Variants in FMO1 observed in about 807,000 individuals in gnomAD.
The protein encoded by FMO1 is flavin containing dimethylaniline monoxygenase 1.
Under a neutral mutation model 45.4 loss-of-function variants are expected in FMO1, and 36 were observed. That is an observed-to-expected ratio of 0.79 (90% CI 0.61 to 1.05). The LOEUF (loss-of-function observed/expected upper bound fraction) is 1.05, where lower values mean the gene tolerates loss of function less well. Among genes scored for constraint, FMO1 ranks in the 50% least tolerant of loss-of-function variants. The pLI is 0.00. For synonymous variants in FMO1, 228 were observed against 227.2 expected (o/e 1.00, Z -0.03); for missense variants, 615 against 640.3 (o/e 0.96, Z 0.43).
At chr1:171,272,905 G>A (rs1260460387) in intron 3 of FMO1, among the ~76,000 whole-genome samples, 1 of 152,168 alleles carries the variant, frequency 6.6e-6, no homozygotes, top group East Asian at 1.9e-4. Context: ...ACCTTGGGGG[G>A]GAACTGTTGG....
intron 3 of FMO1, chr1:171,270,797 C>T (rs550356067): frequency 2.5e-5 from 19 of 767,756 alleles, no homozygotes; most frequent in African/African-American, 5.4e-5. Flanking sequence ...AAGACACATT[C>T]GGTAGTGTGT....
intron 1 of FMO1, among the ~76,000 whole-genome samples, chr1:171,250,738 A>G (rs1341129731): frequency 6.6e-6 from 1 of 152,014 alleles, no homozygotes; most frequent in Non-Finnish European, 1.5e-5. Context: ...CTCAATTTTC[A>G]CCCATTGGCA....
At position 171,263,694 on chromosome 1, in the gene FMO1, C is replaced by A. The variant is rs539305481; in HGVS notation, c.133-3849C>A. Among the ~76,000 whole-genome samples the A allele has an allele frequency of 3.2e-4, 48 of 152,302 alleles. 2 individuals carry two copies. In the South Asian group the frequency reaches 1.0e-2, roughly 32 times the overall value. ...TGAAAACAAAAATCTTCTCCTAAGT[C>A]GCCCCATCCATTTTTAGAGGGCACG... On this transcript the variant is annotated intron_variant, in intron 2 of 8. Coordinates refer to ENST00000617670, the MANE Select transcript of FMO1 (RefSeq NM_001282693.2).
In FMO1 at chr1:171,266,655, C is replaced by T. The variant is rs61815431; in HGVS notation, c.133-888C>T. On this transcript the variant is annotated intron_variant, in intron 2 of 8. Transcript: ENST00000617670. ...ATCCTTTGCAGAAACAGAGAAAGCC[C>T]TCTCCATATGTGAGATTTATGTTCA... 3.8e-3 allele frequency among the ~76,000 whole-genome samples: 572 copies of T among 152,238 alleles called. 1 individual carries two copies. Among genetic ancestry groups the T allele is most frequent in the Non-Finnish European group, 5.9e-3 (400 of 68,028 alleles).
At chr1:171,263,912 A>G (rs1660489842) in intron 2 of FMO1, among the ~76,000 whole-genome samples, 2 of 152,140 alleles carry the variant, frequency 1.3e-5, no homozygotes, top group African/African-American at 2.4e-5. Flanking sequence ...ACCATTCAGA[A>G]GGGGCAGGGA....
chr1:171,259,825 G>A (rs1461306144), intron 2 of FMO1, among the ~76,000 whole-genome samples: 1 of 152,186 alleles, frequency 6.6e-6, no homozygotes, highest in East Asian at 1.9e-4. Flanking sequence ...GATGCAGGTA[G>A]GTCAAACACC....
At chr1:171,272,103 A>G (rs1365226208) in intron 3 of FMO1, among the ~76,000 whole-genome samples, 2 of 152,226 alleles carry the variant, frequency 1.3e-5, no homozygotes, top group East Asian at 3.8e-4. Context: ...CAGCCAAGGG[A>G]CTTGGTGCCC....
intron 3 of FMO1, among the ~76,000 whole-genome samples, chr1:171,274,209 T>G (rs941714590): frequency 1.3e-5 from 2 of 151,396 alleles, no homozygotes; most frequent in African/African-American, 4.8e-5. Flanking sequence ...CTGTAGTTGA[T>G]TTTGTTTGGT....
intron 3 of FMO1, among the ~76,000 whole-genome samples, chr1:171,273,568 C>T (rs1280438927): frequency 6.6e-6 from 1 of 152,150 alleles, no homozygotes; most frequent in African/African-American, 2.4e-5. Flanking sequence ...AGTACAGTGG[C>T]AGGATCTTAT....
intron 3 of FMO1, chr1:171,271,370 C>A (rs185128653): frequency 4.9e-6 from 6 of 1,228,344 alleles, no homozygotes; most frequent in Non-Finnish European, 7.2e-6. Flanking sequence ...GTTTTCACTT[C>A]TCTTTCATAA....
rs186333190 is a variant in FMO1, at chr1:171,253,599, T to C, written c.-6-4483T>C. 6.4e-4 allele frequency among the ~76,000 whole-genome samples: 98 copies of C among 152,092 alleles called. 1 individual carries two copies. The highest frequency in any genetic ancestry group is 9.3e-4 in the Non-Finnish European group (63 of 67,980). On this transcript the variant is annotated intron_variant, in intron 1 of 8. Coordinates refer to ENST00000617670, the MANE Select transcript of FMO1 (RefSeq NM_001282693.2). Reference sequence around the variant, plus strand: ...CGACATGGAGAAACCCCATCTCTACTAAAAATACAAAAGTAGCCAGACGTG... The same window carrying C: ...CGACATGGAGAAACCCCATCTCTACCAAAAATACAAAAGTAGCCAGACGTG...
chr1:171,256,985 C>T (rs572748461), intron 1 of FMO1, among the ~76,000 whole-genome samples: 30 of 152,244 alleles, frequency 2.0e-4, no homozygotes, highest in African/African-American at 7.0e-4. Flanking sequence ...AACAGAGGCT[C>T]ATTGATGTGA....
At chr1:171,258,790 A>G (rs1255628609) in intron 2 of FMO1, among the ~76,000 whole-genome samples, 1 of 152,190 alleles carries the variant, frequency 6.6e-6, no homozygotes, top group African/African-American at 2.4e-5. Context: ...CCTGAGCAGA[A>G]GAAAAGTAAT....
At chr1:171,270,957 A>C in intron 3 of FMO1, 20 of 786,724 alleles carry the variant, frequency 2.5e-5, no homozygotes, top group African/African-American at 3.4e-5. Flanking sequence ...CAACTTATTC[A>C]TCATCTTCTT....
intron 5 of FMO1, 61 bp from the exon 6 acceptor site, chr1:171,280,725 G>T: frequency 6.9e-7 from 1 of 1,444,464 alleles, no homozygotes; most frequent in South Asian, 1.2e-5. Context: ...TTGAATCTCT[G>T]GCAGAACCAG....
intron 8 of FMO1, 138 bp from the exon 9 acceptor site, chr1:171,285,064 G>A (rs1661562241): frequency 1.8e-6 from 1 of 564,480 alleles, no homozygotes; most frequent in Non-Finnish European, 3.1e-6. Context: ...CCGTTAGATA[G>A]GTAGGGAAAT....
At chr1:171,263,086 C>A (rs1234724854) in intron 2 of FMO1, among the ~76,000 whole-genome samples, 1 of 152,164 alleles carries the variant, frequency 6.6e-6, no homozygotes, top group African/African-American at 2.4e-5. Context: ...ACTGACCTGA[C>A]AAAATTTTCT....
chr1:171,260,014 G>A (rs1660312230), intron 2 of FMO1, among the ~76,000 whole-genome samples: 1 of 152,222 alleles, frequency 6.6e-6, no homozygotes, highest in African/African-American at 2.4e-5. Context: ...CTTCACTGAA[G>A]AGGTAGTGTG....
At chr1:171,264,669 C>T (rs1417731825) in intron 2 of FMO1, among the ~76,000 whole-genome samples, 1 of 152,040 alleles carries the variant, frequency 6.6e-6, no homozygotes, top group Non-Finnish European at 1.5e-5. Context: ...AAGGGCGGAT[C>T]ACGAGGTCAG....
Sources: gnomAD v4.1 joint callset for allele counts (sites outside exome capture counted in the v4.1 genomes callset) on GRCh38, gnomAD v4.1.1 for gene constraint, MANE v1.5 for transcripts, NCBI Gene and HGNC (gene_info 2026-07-23, HGNC 2026-07-21) for gene names.